Variants in KIF14 observed in about 807,000 individuals in gnomAD.
KIF14 encodes the protein kinesin family member 14, also known as kinesin-like protein KIF14.
In KIF14, 98 loss-of-function variants were observed where a neutral mutation model predicts 176.2. The ratio of observed to expected loss-of-function variants is 0.56; its 90% CI spans 0.47 to 0.66. The LOEUF is 0.66. Ranked by LOEUF, KIF14 falls within the 30% of genes least tolerant of loss-of-function variation. The pLI, the probability that KIF14 is intolerant of heterozygous loss-of-function variation, is 0.00. For missense variants in KIF14, 1,751 were observed against 1,920.4 expected, an observed-to-expected ratio of 0.91 and a Z score of 1.65; for synonymous variants, 566 against 632.2, an observed-to-expected ratio of 0.90 and a Z score of 1.57.
chr1:200,558,549 G>A (rs548094042), intron 27 of KIF14, among the ~76,000 whole-genome samples: 1 of 152,110 alleles, frequency 6.6e-6, no homozygotes, highest in Non-Finnish European at 1.5e-5. Context: ...AAAATGATAT[G>A]AATATGAAAT....
In KIF14 at chr1:200,565,671, TAC is replaced by T; in HGVS notation, c.3662-4_3662-3del. On this transcript the variant is annotated splice_polypyrimidine_tract_variant and splice_region_variant and intron_variant, in intron 23 of 29. Transcript: ENST00000367350. ...TAGTGCTTGATTTGTCCATTAAACC[TAC>T]ATCAACAGAAAATAGCCATTTTAAG... 6.4e-7 allele frequency: 1 copy of T among 1,560,368 alleles called. No homozygotes were observed. Among genetic ancestry groups the T allele is most frequent in the South Asian group, 1.2e-5 (1 of 83,190 alleles).
intron 13 of KIF14, among the ~76,000 whole-genome samples, chr1:200,599,188 A>G (rs1190778838): frequency 6.6e-6 from 1 of 152,206 alleles, no homozygotes; most frequent in African/African-American, 2.4e-5. Flanking sequence ...TTCCCTGGTC[A>G]CTTTTTAACA....
chr1:200,557,510 C>T (rs1048898477), intron 27 of KIF14, among the ~76,000 whole-genome samples: 5 of 152,030 alleles, frequency 3.3e-5, no homozygotes, highest in South Asian at 2.1e-4. Context: ...AAAAATGGAA[C>T]GACTGAGGCT....
At chr1:200,575,056 A>G (rs1658020247) in intron 22 of KIF14, among the ~76,000 whole-genome samples, 1 of 145,986 alleles carries the variant, frequency 6.8e-6, no homozygotes, top group South Asian at 2.1e-4. Context: ...TCCCAGGTTC[A>G]TGCCATTCTC....
Position 200,618,828 on chromosome 1 carries a change from T to C in KIF14, c.-105A>G. 1 of 925,536 alleles carries C rather than the reference T, an allele frequency of 1.1e-6. No homozygotes were observed. Among genetic ancestry groups the C allele is most frequent in the Non-Finnish European group, 1.6e-6 (1 of 622,504 alleles). 57.3% of individuals were successfully genotyped at this position (925,536 alleles called of 1,614,324 possible). On this transcript the variant is annotated 5_prime_UTR_variant, in exon 2 of 30. The change creates a new upstream start codon in the 5' untranslated region. Transcript: ENST00000367350. ...TTTCTTATGTATCCATTTCTGAAAG[T>C]ATCTGCTAAACTAAAAGAAAAAAAA...
chr1:200,585,537 T>G (rs1287621760), intron 19 of KIF14, among the ~76,000 whole-genome samples: 1 of 152,196 alleles, frequency 6.6e-6, no homozygotes, highest in Non-Finnish European at 1.5e-5. Flanking sequence ...AAATTTGGCT[T>G]ACTATTTGCT....
intron 19 of KIF14, among the ~76,000 whole-genome samples, chr1:200,582,386 T>G (rs1658509881): frequency 1.3e-5 from 2 of 151,500 alleles, no homozygotes; most frequent in Admixed American, 6.6e-5. Context: ...AAAAAAAAAT[T>G]TATCATAAAT....
At position 200,606,813 on chromosome 1, in the gene KIF14, T is replaced by A; in HGVS notation, c.1555-15A>T. ...CTCACTCTCAGCTAGAAGAAGCAAA[T>A]ACATGCATCATTAGGAGTATGACAA... On this transcript the variant is annotated splice_polypyrimidine_tract_variant and intron_variant, in intron 5 of 29. Transcript: ENST00000367350. 4.4e-6 allele frequency: 7 copies of A among 1,597,588 alleles called. No homozygotes were observed. Among genetic ancestry groups the A allele is most frequent in the Non-Finnish European group, 6.0e-6 (7 of 1,165,616 alleles).
At position 200,618,500 on chromosome 1, in the gene KIF14, G is replaced by A. The variant is rs572506197; in HGVS notation, c.224C>T (p.Thr75Ile). ...ATTAGGGGTAAGGGGCATGTCTGCT[G>A]TTTTTCTACTGGCAGAAATAACATA... ...RTYVISASRK[T>I]ADMPLTPNPV... Residue 75 changes from threonine to isoleucine, a missense_variant, in exon 2 of 30, where the codon ACA (threonine) becomes ATA (isoleucine). Transcript: ENST00000367350. 1.2e-6 allele frequency: 2 copies of A among 1,614,054 alleles called. No homozygotes were observed. The highest frequency in any genetic ancestry group is 4.5e-5 in the East Asian group (2 of 44,878).
At chr1:200,577,674 C>G (rs1188280279) in intron 21 of KIF14, among the ~76,000 whole-genome samples, 2 of 151,012 alleles carry the variant, frequency 1.3e-5, no homozygotes, top group African/African-American at 2.4e-5. Context: ...GCACTCCAGC[C>G]TGGCAACGGA....
chr1:200,583,380 A>G (rs1658564209), intron 19 of KIF14, among the ~76,000 whole-genome samples: 1 of 152,210 alleles, frequency 6.6e-6, no homozygotes, highest in Non-Finnish European at 1.5e-5. Flanking sequence ...TATCTAATTT[A>G]GAGATACACA....
At chr1:200,559,175 A>G (rs1445226163) in intron 27 of KIF14, among the ~76,000 whole-genome samples, 155 bp downstream of exon 27, 1 of 152,242 alleles carries the variant, frequency 6.6e-6, no homozygotes, top group Non-Finnish European at 1.5e-5. Flanking sequence ...ACTTGGGAAA[A>G]TATCACCATA....
intron 19 of KIF14, among the ~76,000 whole-genome samples, chr1:200,583,230 TA>T (rs200384271): frequency 4.6e-5 from 7 of 151,556 alleles, no homozygotes; most frequent in East Asian, 3.9e-4. Flanking sequence ...GTTTTTTTTT[TA>T]AAAAAAGGAT....
intron 23 of KIF14, among the ~76,000 whole-genome samples, chr1:200,566,830 G>A (rs182700333): frequency 6.6e-6 from 1 of 152,170 alleles, no homozygotes; most frequent in East Asian, 2.0e-4. Flanking sequence ...AAAATTAGAA[G>A]TATAATTGGA....
chr1:200,617,690 G>T lies in KIF14; in HGVS notation c.1034C>A (p.Thr345Asn). 1 of 1,614,114 alleles carries T rather than the reference G, an allele frequency of 6.2e-7. No homozygotes were observed. Among genetic ancestry groups the T allele is most frequent in the Non-Finnish European group, 8.5e-7 (1 of 1,179,988 alleles). The change falls in exon 2 of 30, where the codon ACC becomes AAC. Residue 345 changes from threonine to asparagine, a missense_variant. Physicochemically the swap from Thr to Asn is moderately conservative, Grantham distance 65. Transcript: ENST00000367350. The stretch of plus-strand genomic sequence containing the variant: ...TTTTAAGGGGTCTTTTCCTGCAGAG[G>T]TGTTCTGAACTACAGTTTCTTCTTC... The part of the protein sequence containing the change: ...LPEEETVVQN[T>N]SAGKDPLKVE...
intron 22 of KIF14, 95 bp downstream of exon 22, chr1:200,575,496 G>A: frequency 1.8e-6 from 1 of 550,802 alleles, no homozygotes; most frequent in East Asian, 3.3e-5. Flanking sequence ...TTTTAAAATA[G>A]GAAATAATAT....
chr1:200,583,589 A>G (rs1325694266), intron 19 of KIF14, among the ~76,000 whole-genome samples: 1 of 152,222 alleles, frequency 6.6e-6, no homozygotes, highest in African/African-American at 2.4e-5. Flanking sequence ...AAAAAAGTTT[A>G]TATTAAAAAT....
chr1:200,610,420 G>T (rs1660097725), intron 4 of KIF14, among the ~76,000 whole-genome samples: 1 of 149,130 alleles, frequency 6.7e-6, no homozygotes, highest in African/African-American at 2.5e-5. Flanking sequence ...TGAGGCAGAA[G>T]AATGGCATGA....
chr1:200,572,139 A>G (rs893706648), intron 22 of KIF14, among the ~76,000 whole-genome samples: 6 of 152,346 alleles, frequency 3.9e-5, no homozygotes, highest in Admixed American at 3.3e-4. Flanking sequence ...TCAGACTAAG[A>G]GCAATTCATT....
Sources: gnomAD v4.1 joint callset for allele counts (sites outside exome capture counted in the v4.1 genomes callset) on GRCh38, gnomAD v4.1.1 for gene constraint, MANE v1.5 for transcripts, NCBI Gene and HGNC (gene_info 2026-07-23, HGNC 2026-07-21) for gene names.